Variants in CDON observed in about 807,000 individuals in gnomAD.
The protein encoded by CDON is cell adhesion molecule-related/down-regulated by oncogenes.
A neutral mutation model predicts 120.9 loss-of-function variants in CDON; 73 were observed. The ratio of observed to expected loss-of-function variants is 0.60; its 90% CI spans 0.50 to 0.73. The LOEUF (loss-of-function observed/expected upper bound fraction) is 0.73, where lower values mean the gene tolerates loss of function less well. CDON is among the 30% of genes least tolerant of loss of function. The pLI, the probability that CDON is intolerant of heterozygous loss-of-function variation, is 0.00. For synonymous variants in CDON, 566 were observed against 573.5 expected, an observed-to-expected ratio of 0.99 and a Z score of 0.19; for missense variants, 1,470 against 1,587.3, an observed-to-expected ratio of 0.93 and a Z score of 1.26.
chr11:125,983,912 T>C lies in CDON; in HGVS notation c.2955A>G (p.Ala985=). Residue 985 remains alanine (A), a synonymous_variant, in exon 16 of 20, where the codon GCA becomes GCG. Transcript: ENST00000531738. The part of the protein sequence containing the change: ...VMVLILMVFI[A]MCLWKNRQQN... ...GCTGGCGATTCTTCCACAGGCACAT[T>C]GCAATGAAAACCATCAGAATGAGGA... 6.2e-7 allele frequency: 1 copy of C among 1,614,060 alleles called. No individual in the cohort carries two copies. The highest frequency in any genetic ancestry group is 8.5e-7 in the Non-Finnish European group (1 of 1,180,006).
chr11:126,050,301 T>C (rs1279294902), intron 1 of CDON, among the ~76,000 whole-genome samples: 2 of 151,904 alleles, frequency 1.3e-5, no homozygotes, highest in Non-Finnish European at 2.9e-5. Flanking sequence ...AATTATAACC[T>C]AAAATAAACC....
At chr11:126,003,481 A>G (rs1166945745) in intron 10 of CDON, among the ~76,000 whole-genome samples, 2 of 152,210 alleles carry the variant, frequency 1.3e-5, no homozygotes, top group Non-Finnish European at 2.9e-5. Context: ...GGGGGAGGCT[A>G]TAATAGGGTC....
At chr11:126,044,714 G>A (rs1948357655) in intron 1 of CDON, among the ~76,000 whole-genome samples, 2 of 152,166 alleles carry the variant, frequency 1.3e-5, no homozygotes, top group South Asian at 4.1e-4. Flanking sequence ...GGGAGACAGA[G>A]AATAGGATGA....
Position 125,994,991 on chromosome 11 carries a change from T to C in CDON, c.2424A>G (p.Ser808=), listed in dbSNP as rs1565512644. The C allele has an allele frequency of 1.2e-6, 2 of 1,614,168 alleles. No homozygotes were observed. The highest frequency in any genetic ancestry group is 2.2e-5 in the South Asian group (2 of 91,076). ...INHYGESFRS[S]ASRPYQVVGF... ...CAACCACTTGATAAGGACGAGATGC[T>C]GAACTCCGAAAACTCTCACCATAAT... The change falls in exon 13 of 20, where the codon TCA becomes TCG. Residue 808 remains serine (S), a synonymous_variant. Coordinates refer to ENST00000531738, the MANE Select transcript of CDON (RefSeq NM_001378964.1).
chr11:126,031,659 A>G (rs982347627), intron 1 of CDON, among the ~76,000 whole-genome samples: 3 of 152,196 alleles, frequency 2.0e-5, no homozygotes, highest in Non-Finnish European at 4.4e-5. Flanking sequence ...TTCTGTCTGC[A>G]GTGTGTGTGC....
intron 15 of CDON, among the ~76,000 whole-genome samples, chr11:125,984,587 C>T (rs972348330): frequency 6.6e-6 from 1 of 151,434 alleles, no homozygotes; most frequent in African/African-American, 2.4e-5. Flanking sequence ...ATCCCAGCTA[C>T]TGGGGAGGCT....
At position 126,001,712 on chromosome 11, in the gene CDON, T is replaced by C; in HGVS notation, c.2158+7A>G. On this transcript the variant is annotated splice_region_variant and intron_variant, in intron 11 of 19. Transcript: ENST00000531738. ...GTAAAGAAACAATAAAATATTCTTC[T>C]TTTTACCTCCACTGTGCCTAGAGGA... 1 of 1,612,752 alleles carries C rather than the reference T, an allele frequency of 6.2e-7. No homozygotes were observed. The highest frequency in any genetic ancestry group is 8.5e-7 in the Non-Finnish European group (1 of 1,178,956).
At chr11:126,049,565 T>G (rs769563365) in intron 1 of CDON, among the ~76,000 whole-genome samples, 2 of 152,158 alleles carry the variant, frequency 1.3e-5, no homozygotes, top group Non-Finnish European at 2.9e-5. Context: ...ACTATCCCAT[T>G]AAACAGTTAA....
intron 11 of CDON, among the ~76,000 whole-genome samples, chr11:125,999,331 A>C (rs1038613390): frequency 2.6e-5 from 4 of 152,214 alleles, no homozygotes; most frequent in Admixed American, 1.3e-4. Flanking sequence ...TCTAAAAGAA[A>C]TAGCATGTGA....
intron 1 of CDON, among the ~76,000 whole-genome samples, chr11:126,029,302 T>G (rs1450914045): frequency 6.6e-6 from 1 of 152,202 alleles, no homozygotes; most frequent in African/African-American, 2.4e-5. Flanking sequence ...TGTCAATCCT[T>G]GAACTTCCAA....
intron 1 of CDON, among the ~76,000 whole-genome samples, chr11:126,032,908 T>C (rs1234474298): frequency 2.0e-5 from 3 of 152,048 alleles, no homozygotes; most frequent in African/African-American, 7.2e-5. Context: ...CTTGGGAGGA[T>C]GAGGTGGGAG....
At chr11:125,979,107 G>A (rs1335598608) in intron 17 of CDON, among the ~76,000 whole-genome samples, 3 of 152,178 alleles carry the variant, frequency 2.0e-5, no homozygotes, top group African/African-American at 7.2e-5. Context: ...GATAGTCAGA[G>A]GCAGAATTCT....
Position 126,062,761 on chromosome 11 carries a change from T to TGGGCAGGGCG in CDON, c.-245_-244insCGCCCTGCCC, listed in dbSNP as rs1565565134. 3.3e-5 allele frequency: 5 copies of TGGGCAGGGCG among 151,184 alleles called. No homozygotes were observed. Among genetic ancestry groups the TGGGCAGGGCG allele is most frequent in the African/African-American group, 1.2e-4 (5 of 41,136 alleles). The allele number at this position is 151,184 out of a possible 1,614,324, so 9.4% of individuals were successfully genotyped here. A position where few individuals can be genotyped will look rare whatever the true frequency, so the allele number is the denominator to read the frequency against. On this transcript the variant is annotated 5_prime_UTR_variant, in exon 1 of 20. Coordinates refer to ENST00000531738, the MANE Select transcript of CDON (RefSeq NM_001378964.1). ...GGAGCGGCGCCTCGCACGCCGGGGCTGGGGCGCTGGGCAGGGCGGGCGGGC... is the reference window on the plus strand; with the variant it reads ...GGAGCGGCGCCTCGCACGCCGGGGCTGGGCAGGGCGGGGGCGCTGGGCAGGGCGGGCGGGC...
intron 8 of CDON, among the ~76,000 whole-genome samples, chr11:126,006,831 T>C (rs995410583): frequency 6.6e-6 from 1 of 152,136 alleles, no homozygotes; most frequent in Non-Finnish European, 1.5e-5. Flanking sequence ...TCAAAGATAA[T>C]TACTGAGCAC....
intron 1 of CDON, among the ~76,000 whole-genome samples, chr11:126,061,209 G>A (rs903316684): frequency 6.6e-6 from 1 of 152,040 alleles, no homozygotes; most frequent in African/African-American, 2.4e-5. Context: ...ACACACCCAG[G>A]GCACGTCTTT....
chr11:126,003,973 T>C lies in CDON; in HGVS notation c.1955A>G (p.Glu652Gly). 6.2e-7 allele frequency: 1 copy of C among 1,614,024 alleles called. No homozygotes were observed. The highest frequency in any genetic ancestry group is 8.5e-7 in the Non-Finnish European group (1 of 1,179,990). Reference sequence around the variant, plus strand: ...TGCGCTTCTTGCTACCATCAAGACTTCATAAAGACTAGATGGCTCCAGCTC... The same window carrying C: ...TGCGCTTCTTGCTACCATCAAGACTCCATAAAGACTAGATGGCTCCAGCTC... ...LAELEPSSLY[E>G]VLMVARSAAG... Residue 652 changes from glutamate (E) to glycine (G), a missense_variant, in exon 10 of 20, where the codon GAA (glutamate) becomes GGA (glycine). Glu to Gly is a moderately conservative substitution (Grantham distance 98). Transcript: ENST00000531738.
At chr11:126,063,170 G>C (rs977786360), upstream of CDON, 2 of 152,152 alleles carry the variant, frequency 1.3e-5, no homozygotes, top group South Asian at 4.1e-4. Flanking sequence ...ATACCCCAGG[G>C]GAGCATAGAA....
chr11:126,017,352 T>G lies in CDON; in HGVS notation c.664A>C (p.Ile222Leu). The G allele has an allele frequency of 6.2e-7, 1 of 1,614,162 alleles. No homozygotes were observed. The highest frequency in any genetic ancestry group is 8.5e-7 in the Non-Finnish European group (1 of 1,180,014). ...GCCTGTGAATGGGTGGGGTGAAGAA[T>G]GTGAACATCATCTGAAGAAGGACCT... ...VSRPSSDDVH[I>L]LHPTHSQALA... The change falls in exon 6 of 20, where the codon ATT becomes CTT. Residue 222 changes from isoleucine to leucine, a missense_variant. Coordinates refer to ENST00000531738, the MANE Select transcript of CDON (RefSeq NM_001378964.1).
chr11:125,965,120 G>A (rs1309312715), intron 18 of CDON, among the ~76,000 whole-genome samples: 2 of 152,048 alleles, frequency 1.3e-5, no homozygotes, highest in Non-Finnish European at 2.9e-5. Flanking sequence ...TAGTAGAGAC[G>A]GGGTTTCACC....
Sources: allele counts gnomAD v4.1 joint callset (sites outside exome capture counted in the v4.1 genomes callset), GRCh38; gene constraint gnomAD v4.1.1; transcripts MANE v1.5; gene names NCBI Gene and HGNC (gene_info 2026-07-23, HGNC 2026-07-21).